Variants in DENND4C observed in about 807,000 individuals in gnomAD.
DENND4C encodes the protein DENN domain containing 4C.
In DENND4C, 108 loss-of-function variants were observed where a neutral mutation model predicts 203.0. That is an observed-to-expected ratio of 0.53 (90% confidence interval 0.46 to 0.62). The LOEUF (loss-of-function observed/expected upper bound fraction) is 0.62, where lower values mean the gene tolerates loss of function less well. DENND4C is among the 20% of genes least tolerant of loss of function. DENND4C has a pLI of 0.00. For synonymous variants in DENND4C, 871 were observed against 792.4 expected (o/e 1.10, Z -1.67); for missense variants, 2,481 against 2,301.2 (o/e 1.08, Z -1.60).
intron 2 of DENND4C, among the ~76,000 whole-genome samples, chr9:19,280,875 G>A (rs1833913939): frequency 6.6e-6 from 1 of 152,044 alleles, no homozygotes; most frequent in African/African-American, 2.4e-5. Flanking sequence ...CGAGTAGCTG[G>A]GACTACAGGC....
At chr9:19,298,834 A>T (rs1197236845) in intron 7 of DENND4C, among the ~76,000 whole-genome samples, 2 of 152,172 alleles carry the variant, frequency 1.3e-5, no homozygotes, top group African/African-American at 4.8e-5. Context: ...ATTAAGTCAG[A>T]TATTGTTGAT....
intron 1 of DENND4C, among the ~76,000 whole-genome samples, chr9:19,269,846 AGGTATTTAT>A (rs1588796098): frequency 6.6e-6 from 1 of 152,244 alleles, no homozygotes; most frequent in East Asian, 1.9e-4. Context: ...TTGAAGAGTT[AGGTATTTAT>A]GGTAGTCTTC....
At chr9:19,269,964 G>A (rs573462520) in intron 1 of DENND4C, among the ~76,000 whole-genome samples, 50 of 152,120 alleles carry the variant, frequency 3.3e-4, no homozygotes, top group Admixed American at 5.9e-4. Context: ...CTCTATAGCC[G>A]TATCTACATT....
intron 1 of DENND4C, among the ~76,000 whole-genome samples, chr9:19,274,300 T>TC (rs1467162907): frequency 2.0e-5 from 3 of 151,864 alleles, no homozygotes; most frequent in Non-Finnish European, 4.4e-5. Context: ...TATGTTTCTT[T>TC]CTTTTTTTTT....
intron 1 of DENND4C, among the ~76,000 whole-genome samples, chr9:19,259,801 G>A (rs1419205638): frequency 2.0e-5 from 3 of 152,110 alleles, no homozygotes; most frequent in Non-Finnish European, 2.9e-5. Flanking sequence ...CACCACGCCT[G>A]GCTCGAATGC....
chr9:19,282,397 A>T (rs1037530753), intron 2 of DENND4C, among the ~76,000 whole-genome samples: 3 of 151,334 alleles, frequency 2.0e-5, no homozygotes, highest in Admixed American at 6.6e-5. Flanking sequence ...TAGCTGAACT[A>T]CAAGTGTATG....
chr9:19,351,826 A>AAG (rs1824211086), intron 24 of DENND4C, among the ~76,000 whole-genome samples: 1 of 149,032 alleles, frequency 6.7e-6, no homozygotes, highest in African/African-American at 2.6e-5. Flanking sequence ...AAAAGAAAAG[A>AAG]AAAAAAAATT....
chr9:19,338,877 A>G (rs1821035556), intron 20 of DENND4C, among the ~76,000 whole-genome samples: 1 of 152,298 alleles, frequency 6.6e-6, no homozygotes, highest in South Asian at 2.1e-4. Context: ...AGTGATGGAA[A>G]ATGGAGGTAC....
chr9:19,331,124 C>G (rs1424859443), intron 16 of DENND4C, among the ~76,000 whole-genome samples: 2 of 151,942 alleles, frequency 1.3e-5, no homozygotes, highest in Non-Finnish European at 2.9e-5. Context: ...TCTCTTCTAC[C>G]TAAATCTGAA....
chr9:19,240,831 G>A (rs1269601593), intron 1 of DENND4C, among the ~76,000 whole-genome samples: 4 of 151,954 alleles, frequency 2.6e-5, no homozygotes, highest in East Asian at 1.9e-4. Context: ...GCCTGGTATG[G>A]TGGTGGACGC....
At chr9:19,248,538 C>T (rs1040447920) in intron 1 of DENND4C, among the ~76,000 whole-genome samples, 5 of 151,486 alleles carry the variant, frequency 3.3e-5, no homozygotes, top group South Asian at 2.1e-4. Context: ...TACAGGCATG[C>T]GCCGCCTCGC....
chr9:19,299,337 C>A (rs766684879), intron 8 of DENND4C, 50 bp downstream of exon 8: 2 of 1,280,656 alleles, frequency 1.6e-6, no homozygotes, highest in Non-Finnish European at 2.2e-6. Context: ...GAGCAGAATG[C>A]TTTAAAATAT....
At chr9:19,359,559 T>G (rs1008716076) in intron 28 of DENND4C, among the ~76,000 whole-genome samples, 1 of 151,848 alleles carries the variant, frequency 6.6e-6, no homozygotes, top group African/African-American at 2.4e-5. Flanking sequence ...TTTATGCTTA[T>G]GTTATATACT....
intron 1 of DENND4C, among the ~76,000 whole-genome samples, chr9:19,272,421 A>AAAAAAC (rs964575093): frequency 5.4e-5 from 8 of 148,448 alleles, no homozygotes; most frequent in East Asian, 2.0e-4. Flanking sequence ...ACTCCATCTC[A>AAAAAAC]AAAAACAAAA....
intron 1 of DENND4C, among the ~76,000 whole-genome samples, chr9:19,238,488 T>TCCC (rs1822676620): frequency 1.4e-4 from 1 of 7,274 alleles, no homozygotes; most frequent in Non-Finnish European, 2.3e-4. Flanking sequence ...CCCTCCCCCT[T>TCCC]CTCCTCCCCT....
At chr9:19,261,053 G>T (rs78207783) in intron 1 of DENND4C, among the ~76,000 whole-genome samples, 3,244 of 152,060 alleles carry the variant, frequency 0.021, 121 homozygotes, top group African/African-American at 0.072. Flanking sequence ...TGAGAAATAG[G>T]GATCTAGTTT....
chr9:19,250,674 G>C (rs750927405), intron 1 of DENND4C, among the ~76,000 whole-genome samples: 1 of 152,168 alleles, frequency 6.6e-6, no homozygotes, highest in African/African-American at 2.4e-5. Context: ...ACAGGCATTG[G>C]GTAAATACAG....
At chr9:19,277,668 T>C (rs2130933090) in intron 2 of DENND4C, among the ~76,000 whole-genome samples, 1 of 151,692 alleles carries the variant, frequency 6.6e-6, no homozygotes, top group Non-Finnish European at 1.5e-5. Flanking sequence ...GTGTGTGTAA[T>C]TACTCTGGCT....
At chr9:19,339,356 G>C (rs1822628656) in intron 20 of DENND4C, among the ~76,000 whole-genome samples, 1 of 152,076 alleles carries the variant, frequency 6.6e-6, no homozygotes, top group African/African-American at 2.4e-5. Context: ...TCCTTAACCT[G>C]GCATAGTTCT....
Sources: gnomAD v4.1 joint callset for allele counts (sites outside exome capture counted in the v4.1 genomes callset) on GRCh38, gnomAD v4.1.1 for gene constraint, MANE v1.5 for transcripts, NCBI Gene and HGNC (gene_info 2026-07-23, HGNC 2026-07-21) for gene names.